NECTIN2: variants seen among roughly 807,000 people sequenced by gnomAD.
NECTIN2 encodes the protein nectin-2.
NECTIN2 carries 23 observed loss-of-function variants against 56.9 expected under a neutral mutation model. The observed-to-expected ratio is 0.40, with a 90% CI of 0.29 to 0.57. NECTIN2 has a LOEUF of 0.57. NECTIN2 is among the 20% of genes least tolerant of loss of function. NECTIN2 has a pLI of 0.38. For synonymous variants in NECTIN2, 302 were observed against 313.8 expected, an observed-to-expected ratio of 0.96 and a Z score of 0.40; for missense variants, 587 against 718.3, an observed-to-expected ratio of 0.82 and a Z score of 2.09.
At chr19:44,878,480 G>C (rs1969268824) in intron 5 of NECTIN2, 3 of 1,613,086 alleles carry the variant, frequency 1.9e-6, no homozygotes, top group Non-Finnish European at 2.5e-6. Context: ...CATGGAACCA[G>C]ATGGCAAGGA....
At chr19:44,887,334 G>A (rs1333158619) in intron 8 of NECTIN2, among the ~76,000 whole-genome samples, 2 of 150,402 alleles carry the variant, frequency 1.3e-5, no homozygotes, top group East Asian at 4.0e-4. Context: ...AGGCAACAGA[G>A]CAAGACTCCG....
At position 44,886,201 on chromosome 19, in the gene NECTIN2, C is replaced by T. The variant is rs376193548; in HGVS notation, c.1329C>T (p.Gly443=). 8 of 1,611,780 alleles carry T rather than the reference C, an allele frequency of 5.0e-6. No individual in the cohort carries two copies. The highest frequency in any genetic ancestry group is 4.0e-5 in the African/African-American group (3 of 74,834). The change falls in exon 8 of 9, where the codon GGC becomes GGT. Residue 443 remains glycine (G), a synonymous_variant. Transcript: ENST00000252483. ...SPLKTPYFDA[G]ASCTEQEMPR... ...TCAAGACCCCCTACTTTGATGCTGG[C>T]GCCTCATGCACTGAGCAGGTAGGAG...
intron 1 of NECTIN2, among the ~76,000 whole-genome samples, chr19:44,862,274 G>A (rs1337588895): frequency 1.4e-5 from 1 of 69,188 alleles, no homozygotes; most frequent in East Asian, 2.5e-4. Context: ...AATTCACTGT[G>A]TGTGGTGGCG....
intron 1 of NECTIN2, among the ~76,000 whole-genome samples, chr19:44,856,320 A>G (rs556425578): frequency 3.3e-5 from 5 of 152,208 alleles, no homozygotes; most frequent in East Asian, 1.9e-4. Context: ...CCTAAGACCT[A>G]TTAGCCTCCT....
intron 1 of NECTIN2, among the ~76,000 whole-genome samples, chr19:44,862,871 C>A (rs748047111): frequency 6.6e-6 from 1 of 151,660 alleles, no homozygotes; most frequent in South Asian, 2.1e-4. Context: ...AAAAATTGGC[C>A]GGGCGCGGTG....
At position 44,888,315 on chromosome 19, in the gene NECTIN2, A is replaced by C. The variant is rs372578036; in HGVS notation, c.1553A>C (p.Tyr518Ser). ...AACCCCATCTATGATGCTCTGTCCT[A>C]TAGCAGCCCCTCTGATTCCTACCAG... Reference protein sequence around the residue: ...KINPIYDALSYSSPSDSYQGK... With the variant: ...KINPIYDALSSSSPSDSYQGK... The change falls in exon 9 of 9, where the codon TAT (tyrosine) becomes TCT (serine). Residue 518 changes from tyrosine to serine, a missense_variant. Transcript: ENST00000252483. The C allele has an allele frequency of 6.2e-6, 10 of 1,613,928 alleles. No individual in the cohort carries two copies. Among genetic ancestry groups the C allele is most frequent in the African/African-American group, 1.3e-5 (1 of 74,986 alleles).
rs778371949 is a variant in NECTIN2 at position 44,865,574 on chromosome 19, C to A, written c.392C>A (p.Thr131Lys). The A allele has an allele frequency of 3.3e-5, 51 of 1,550,046 alleles. No homozygotes were observed. The East Asian group carries it at 1.2e-3, about 38-fold the overall frequency. The change falls in exon 2 of 9, where the codon ACG becomes AAG. Residue 131 changes from threonine to lysine, a missense_variant. By Grantham distance (78) the Thr-to-Lys change is moderately conservative. Transcript: ENST00000252483. This position sits in a 1 kb window ranked among gnomAD's most constrained non-coding sequence, Gnocchi z 5.2. ...GCCACGCTGGCCCTCCACGGGCTCA[C>A]GGTGGAGGACGAGGGCAACTACACT... ...QDATLALHGL[T>K]VEDEGNYTCE... is the part of the protein sequence containing the mutation.
chr19:44,859,089 G>T (rs1969002740), intron 1 of NECTIN2, among the ~76,000 whole-genome samples: 2 of 152,172 alleles, frequency 1.3e-5, no homozygotes. Flanking sequence ...GTGTTCCCTG[G>T]GGTTCCTGTG....
intron 5 of NECTIN2, chr19:44,878,709 G>T: frequency 6.6e-7 from 1 of 1,506,528 alleles, no homozygotes; most frequent in East Asian, 2.3e-5. Flanking sequence ...GGTTGGACTT[G>T]TTCGTCTGGA....
chr19:44,852,600 C>T (rs1210272957), intron 1 of NECTIN2, among the ~76,000 whole-genome samples: 1 of 151,440 alleles, frequency 6.6e-6, no homozygotes, highest in Admixed American at 6.6e-5. Context: ...GTGTTCTGCA[C>T]TTTCTAGCAG....
At chr19:44,854,410 C>T (rs924036802) in intron 1 of NECTIN2, among the ~76,000 whole-genome samples, 2 of 152,076 alleles carry the variant, frequency 1.3e-5, no homozygotes, top group Admixed American at 1.3e-4. Context: ...TTTAATCCTC[C>T]AAATCCAGTA....
intron 8 of NECTIN2, among the ~76,000 whole-genome samples, chr19:44,887,305 C>T (rs925911626): frequency 3.3e-5 from 5 of 150,466 alleles, no homozygotes; most frequent in African/African-American, 7.4e-5. Context: ...GCTGAGACCA[C>T]GCCACTGCAC....
Position 44,852,062 on chromosome 19 carries a change from C to T in NECTIN2, c.88+5449C>T, listed in dbSNP as rs571941240. 2.0e-4 allele frequency among the ~76,000 whole-genome samples: 27 copies of T among 136,230 alleles called. 1 individual carries two copies. The highest frequency in any genetic ancestry group is 3.6e-3 in the Middle Eastern group (1 of 280). 89.4% of individuals were successfully genotyped at this position (136,230 alleles called of 152,430 possible). A position where few individuals can be genotyped will look rare whatever the true frequency, so the allele number is the denominator to read the frequency against. ...CCGTCCCCACAGCCCCGACCCTGATCCCGGCGCCTCCCCCCGAGACCCCTG... is the reference window on the plus strand; with the variant it reads ...CCGTCCCCACAGCCCCGACCCTGATTCCGGCGCCTCCCCCCGAGACCCCTG... On this transcript the variant is annotated intron_variant, in intron 1 of 8. Coordinates refer to ENST00000252483, the MANE Select transcript of NECTIN2 (RefSeq NM_001042724.2).
chr19:44,882,437 T>C, intron 6 of NECTIN2, 73 bp downstream of exon 6: 1 of 1,255,732 alleles, frequency 8.0e-7, no homozygotes, highest in Non-Finnish European at 1.0e-6. Flanking sequence ...GGGGTGAGGG[T>C]GGGAGAAAAT....
intron 1 of NECTIN2, 106 bp downstream of exon 1, chr19:44,846,719 C>T (rs371126006): frequency 9.0e-6 from 12 of 1,334,908 alleles, no homozygotes; most frequent in African/African-American, 1.6e-5. Context: ...GCTCCCCGAG[C>T]CCCCTCTCGC....
rs909986718 is a variant in NECTIN2, at chr19:44,865,875, C to T, written c.478+215C>T. On this transcript the variant is annotated intron_variant, in intron 2 of 8. Transcript: ENST00000252483. The surrounding 1 kb of genome is among the most constrained non-coding windows in gnomAD (Gnocchi z 5.2). ...GGCAACCAGGCATTCTTGGGAAAAA[C>T]AAAAAAATAAGTATTGGCTGGGCGC... 6.6e-6 allele frequency among the ~76,000 whole-genome samples: 1 copy of T among 151,888 alleles called. No homozygotes were observed. Among genetic ancestry groups the T allele is most frequent in the African/African-American group, 2.4e-5 (1 of 41,368 alleles).
At chr19:44,864,012 T>TTCCGCC (rs33951304) in intron 1 of NECTIN2, among the ~76,000 whole-genome samples, 1 of 146,514 alleles carries the variant, frequency 6.8e-6, no homozygotes, top group Non-Finnish European at 1.5e-5. Context: ...TTCAGAGGAT[T>TTCCGCC]CCCCCCCCCC....
At chr19:44,848,270 T>C (rs1321974078) in intron 1 of NECTIN2, among the ~76,000 whole-genome samples, 1 of 152,154 alleles carries the variant, frequency 6.6e-6, no homozygotes. Context: ...TACTGTTAGC[T>C]TGGTGCATGA....
In NECTIN2 at chr19:44,888,208, A is replaced by T. The variant is rs1229652536; in HGVS notation, c.1446A>T (p.Pro482=). The T allele has an allele frequency of 6.2e-7, 1 of 1,614,162 alleles. No individual in the cohort carries two copies. The highest frequency in any genetic ancestry group is 1.7e-5 in the Admixed American group (1 of 60,016). The change falls in exon 9 of 9, where the codon CCA becomes CCT. Residue 482 remains proline, a synonymous_variant. Coordinates refer to ENST00000252483, the MANE Select transcript of NECTIN2 (RefSeq NM_001042724.2). ...TGGGGTCCCCCATCCCGGTGCCTCC[A>T]GGGCCACCTGCTGTGGAAGACGTTT... ...TSLGSPIPVP[P]GPPAVEDVSL... is the part of the protein sequence containing the mutation.
Sources: gnomAD v4.1 joint callset for allele counts (sites outside exome capture counted in the v4.1 genomes callset) on GRCh38, gnomAD v4.1.1 for gene constraint, Gnocchi (gnomAD v3.1) non-coding constraint, MANE v1.5 for transcripts, NCBI Gene and HGNC (gene_info 2026-07-23, HGNC 2026-07-21) for gene names.